The following SPHKAP variants were observed in gnomAD, a reference collection of about 807,000 sequenced individuals.
SPHKAP encodes the protein A-kinase anchor protein SPHKAP.
A neutral mutation model predicts 137.5 loss-of-function variants in SPHKAP; 67 were observed. The observed-to-expected ratio is 0.49, with a 90% CI of 0.40 to 0.60. The LOEUF (loss-of-function observed/expected upper bound fraction) is 0.60. Ranked by LOEUF, SPHKAP falls within the 20% of genes least tolerant of loss-of-function variation. SPHKAP has a pLI of 0.00. For missense variants in SPHKAP, 2,097 were observed against 2,069.3 expected, an observed-to-expected ratio of 1.01 and a Z score of -0.26; for synonymous variants, 813 against 785.3, an observed-to-expected ratio of 1.04 and a Z score of -0.59.
At chr2:228,117,830 C>CTTT (rs34166785) in intron 2 of SPHKAP, among the ~76,000 whole-genome samples, 6 of 138,276 alleles carry the variant, frequency 4.3e-5, no homozygotes, top group Admixed American at 7.3e-5. Context: ...CTTTCCTTTC[C>CTTT]TTTTTTTTTT....
intron 1 of SPHKAP, among the ~76,000 whole-genome samples, chr2:228,151,278 G>A (rs1373323841): frequency 1.3e-5 from 2 of 151,588 alleles, no homozygotes; most frequent in Admixed American, 1.3e-4. Flanking sequence ...ATTTTTTATG[G>A]CTGCATAGTA....
chr2:228,144,545 T>A (rs1699712598), intron 1 of SPHKAP, among the ~76,000 whole-genome samples: 1 of 151,996 alleles, frequency 6.6e-6, no homozygotes, highest in Non-Finnish European at 1.5e-5. Flanking sequence ...TTCTTGCCCC[T>A]TTCTATATTT....
intron 1 of SPHKAP, among the ~76,000 whole-genome samples, chr2:228,177,881 C>T (rs1237172359): frequency 1.3e-5 from 2 of 151,932 alleles, no homozygotes; most frequent in Non-Finnish European, 1.5e-5. Context: ...ATTCGAAATG[C>T]CATATAAAAA....
chr2:228,084,259 C>T (rs1411062468), intron 3 of SPHKAP, among the ~76,000 whole-genome samples: 1 of 152,084 alleles, frequency 6.6e-6, no homozygotes, highest in Non-Finnish European at 1.5e-5. Flanking sequence ...ATAATGGCCT[C>T]TTGACATTAA....
intron 1 of SPHKAP, among the ~76,000 whole-genome samples, chr2:228,143,603 C>T (rs2106389870): frequency 6.6e-6 from 1 of 151,488 alleles, no homozygotes; most frequent in Non-Finnish European, 1.5e-5. Context: ...TCAAGCAATT[C>T]TCCTGTGACA....
chr2:228,045,748 T>C (rs561288400), intron 3 of SPHKAP, among the ~76,000 whole-genome samples: 3 of 150,974 alleles, frequency 2.0e-5, no homozygotes, highest in Non-Finnish European at 4.4e-5. Flanking sequence ...TAAAGTATAA[T>C]AATAATAAAA....
chr2:228,036,418 C>T (rs1284390208), intron 3 of SPHKAP, among the ~76,000 whole-genome samples: 19 of 152,154 alleles, frequency 1.2e-4, no homozygotes, highest in Non-Finnish European at 1.5e-5. Context: ...AATAGGAACA[C>T]TTTTACACTG....
At position 228,063,166 on chromosome 2, in the gene SPHKAP, A is replaced by ATCTGTCTGTCTG. The variant is rs1405083236; in HGVS notation, c.247-35624_247-35623insCAGACAGACAGA. 8.9e-4 allele frequency among the ~76,000 whole-genome samples: 126 copies of ATCTGTCTGTCTG among 142,002 alleles called. 1 individual carries two copies. The highest frequency in any genetic ancestry group is 3.6e-3 in the African/African-American group (123 of 34,024). The allele number at this position is 142,002 out of a possible 152,430, so 93.2% of individuals were successfully genotyped here. A position where few individuals can be genotyped will look rare whatever the true frequency, so the allele number is the denominator to read the frequency against. On this transcript the variant is annotated intron_variant, in intron 3 of 11. Coordinates refer to ENST00000392056, the MANE Select transcript of SPHKAP (RefSeq NM_001142644.2). ...TCCCTATCTATCTATCTATCTATCT[A>ATCTGTCTGTCTG]TCTATCTATCTGTCTGTCTGTCTGT...
chr2:228,126,717 C>T (rs559950716), intron 2 of SPHKAP, among the ~76,000 whole-genome samples: 16 of 152,238 alleles, frequency 1.1e-4, no homozygotes, highest in Non-Finnish European at 1.5e-5. Flanking sequence ...TCTCTCACTA[C>T]CAAAAATATA....
At chr2:228,010,744 A>G (rs1276404502) in intron 7 of SPHKAP, among the ~76,000 whole-genome samples, 1 of 151,966 alleles carries the variant, frequency 6.6e-6, no homozygotes, top group Non-Finnish European at 1.5e-5. Flanking sequence ...TATTTTATTG[A>G]TTTTTATATC....
chr2:228,087,625 A>G (rs150646308), intron 3 of SPHKAP, among the ~76,000 whole-genome samples: 1 of 152,322 alleles, frequency 6.6e-6, no homozygotes, highest in Non-Finnish European at 1.5e-5. Flanking sequence ...AAAGAGCCAT[A>G]TGAAAATTCT....
chr2:228,147,704 G>A (rs993458649), intron 1 of SPHKAP, among the ~76,000 whole-genome samples: 2 of 152,158 alleles, frequency 1.3e-5, no homozygotes, highest in African/African-American at 2.4e-5. Context: ...TGTTGTTACC[G>A]AAGGGAGATA....
At chr2:228,008,757 T>C (rs956488552) in intron 7 of SPHKAP, among the ~76,000 whole-genome samples, 4 of 152,160 alleles carry the variant, frequency 2.6e-5, no homozygotes, top group Admixed American at 1.3e-4. Context: ...CTCTTCAATA[T>C]ATTGCCTTTG....
At chr2:228,010,494 TGCA>T (rs1269619798) in intron 7 of SPHKAP, among the ~76,000 whole-genome samples, 57 of 152,288 alleles carry the variant, frequency 3.7e-4, no homozygotes, top group Middle Eastern at 3.4e-3. Flanking sequence ...ATCGCACCAC[TGCA>T]CTCTAGCCTG....
intron 3 of SPHKAP, among the ~76,000 whole-genome samples, chr2:228,035,702 G>C (rs1369089486): frequency 6.6e-6 from 1 of 152,114 alleles, no homozygotes; most frequent in African/African-American, 2.4e-5. Flanking sequence ...CAATGGAACA[G>C]AACAGAGCCC....
In SPHKAP at chr2:228,154,481, ACTCTCT is replaced by A. The variant is rs371642332; in HGVS notation, c.33-22402_33-22397del. Among the ~76,000 whole-genome samples the A allele has an allele frequency of 8.8e-3, 417 of 47,164 alleles. 14 individuals are homozygous for A. The highest frequency in any genetic ancestry group is 0.034 in the African/African-American group (381 of 11,202). 30.9% of individuals were successfully genotyped at this position (47,164 alleles called of 152,430 possible). On this transcript the variant is annotated intron_variant, in intron 1 of 11. Transcript: ENST00000392056. ...CTATTTTTGTACAATTTGTAAATAAACTCTCTCTCTCTCTCTCTCTCTCTCTCTCTC... is the reference window on the plus strand; with the variant it reads ...CTATTTTTGTACAATTTGTAAATAAACTCTCTCTCTCTCTCTCTCTCTCTC...
intron 3 of SPHKAP, among the ~76,000 whole-genome samples, chr2:228,061,673 T>A (rs1453724700): frequency 6.6e-6 from 1 of 151,976 alleles, no homozygotes; most frequent in Non-Finnish European, 1.5e-5. Context: ...GATTTTTGCT[T>A]GACAATAACT....
intron 3 of SPHKAP, among the ~76,000 whole-genome samples, chr2:228,043,343 T>C (rs1299066621): frequency 1.3e-5 from 2 of 152,226 alleles, no homozygotes; most frequent in East Asian, 3.9e-4. Flanking sequence ...TCCTTTTGTT[T>C]TGAGATGGAG....
chr2:228,062,912 T>C (rs1574813775), intron 3 of SPHKAP, among the ~76,000 whole-genome samples: 1 of 152,324 alleles, frequency 6.6e-6, no homozygotes, highest in Non-Finnish European at 1.5e-5. Context: ...AGGGAATTAG[T>C]AATGCATTAG....
Sources: allele counts gnomAD v4.1 joint callset (sites outside exome capture counted in the v4.1 genomes callset), GRCh38; gene constraint gnomAD v4.1.1; transcripts MANE v1.5; gene names NCBI Gene and HGNC (gene_info 2026-07-23, HGNC 2026-07-21).